Variants in MYH14 observed in about 807,000 individuals in gnomAD.
MYH14 encodes myosin heavy chain 14.
In MYH14, 123 loss-of-function variants were observed where a neutral mutation model predicts 255.5. That is an observed-to-expected ratio of 0.48 (90% CI 0.42 to 0.56). The LOEUF (loss-of-function observed/expected upper bound fraction) is 0.56, where lower values mean the gene tolerates loss of function less well. Among genes scored for constraint, MYH14 ranks in the 20% least tolerant of loss-of-function variants. The pLI is 0.00. For missense variants in MYH14, 2,423 were observed against 2,802.3 expected (o/e 0.86, Z 3.06); for synonymous variants, 1,095 against 1,161.2 (o/e 0.94, Z 1.16).
At chr19:50,278,358 T>C in intron 30 of MYH14, 69 bp downstream of exon 30, 1 of 1,172,202 alleles carries the variant, frequency 8.5e-7, no homozygotes, top group Non-Finnish European at 1.2e-6. Context: ...CTCTCTGGGC[T>C]TCTATTTGGT....
chr19:50,278,526 C>T (rs2035594121), intron 30 of MYH14, among the ~76,000 whole-genome samples: 1 of 149,662 alleles, frequency 6.7e-6, no homozygotes, highest in African/African-American at 2.5e-5. Flanking sequence ...CATAGTGAGA[C>T]CCCATCTTCA....
intron 25 of MYH14, 32 bp from the exon 26 acceptor site, chr19:50,271,817 C>A: frequency 6.2e-7 from 1 of 1,611,726 alleles, no homozygotes; most frequent in South Asian, 1.1e-5. Flanking sequence ...CCAACTCCTC[C>A]TGACTGCCCC....
chr19:50,225,696 C>A lies in MYH14; in HGVS notation c.810+19C>A. 6.3e-7 allele frequency: 1 copy of A among 1,596,106 alleles called. No individual in the cohort carries two copies. The highest frequency in any genetic ancestry group is 8.6e-7 in the Non-Finnish European group (1 of 1,164,800). ...CCGATTCGTGAGTGCCAGGGGTGGG[C>A]AGTGCTGGCTGTGTCAGGGATACAG... On this transcript the variant is annotated intron_variant, in intron 7 of 42. Coordinates refer to ENST00000642316, the MANE Select transcript of MYH14 (RefSeq NM_001145809.2).
chr19:50,262,844 A>G (rs1375892827), intron 21 of MYH14, among the ~76,000 whole-genome samples: 3 of 152,132 alleles, frequency 2.0e-5, no homozygotes, highest in Admixed American at 1.3e-4. Flanking sequence ...ACACAGTGAG[A>G]TCTCAAAGTA....
intron 33 of MYH14, among the ~76,000 whole-genome samples, chr19:50,282,767 A>G (rs1256232341): frequency 6.6e-6 from 1 of 152,124 alleles, no homozygotes. Context: ...GTGGTGCAGT[A>G]TGTTTTTCTA....
At position 50,281,800 on chromosome 19, in the gene MYH14, G is replaced by T. The variant is rs1366523124; in HGVS notation, c.4497G>T (p.Gln1499His). 6.2e-7 allele frequency: 1 copy of T among 1,612,626 alleles called. No homozygotes were observed. Among genetic ancestry groups the T allele is most frequent in the African/African-American group, 1.3e-5 (1 of 74,948 alleles). The change falls in exon 33 of 43, where the codon CAG becomes CAT. Residue 1499 changes from glutamine to histidine, a missense_variant. By Grantham distance (24) the Gln-to-His change is conservative. Coordinates refer to ENST00000642316, the MANE Select transcript of MYH14 (RefSeq NM_001145809.2). ...DATMDLEQQR[Q>H]LVSTLEKKQR... is the part of the protein sequence containing the mutation. ...CCATGGACCTGGAGCAGCAGCGGCA[G>T]CTTGTGAGCACCCTGGAGAAGAAGC...
intron 2 of MYH14, among the ~76,000 whole-genome samples, chr19:50,214,136 C>A (rs1383809053): frequency 6.6e-6 from 1 of 152,200 alleles, no homozygotes; most frequent in Non-Finnish European, 1.5e-5. Flanking sequence ...CTGGGGTTCA[C>A]ATTAAACCCT....
chr19:50,249,898 T>TCGCAG, intron 14 of MYH14, 75 bp downstream of exon 14: 1 of 1,562,442 alleles, frequency 6.4e-7, no homozygotes, highest in Non-Finnish European at 8.7e-7. Context: ...GACCAGGGTC[T>TCGCAG]AGCTCCTCCT....
At chr19:50,285,475 C>T (rs966670753) in intron 33 of MYH14, 1 of 152,140 alleles carries the variant, frequency 6.6e-6, no homozygotes, top group Non-Finnish European at 1.5e-5. Flanking sequence ...CTAAGTATTT[C>T]ATGGTTTTAT....
intron 13 of MYH14, 71 bp from the exon 14 acceptor site, chr19:50,249,579 G>A (rs2034282411): frequency 3.1e-6 from 5 of 1,590,504 alleles, no homozygotes; most frequent in African/African-American, 1.4e-5. Flanking sequence ...CTGTCTCTGG[G>A]TCTCTGTCCC....
At chr19:50,270,121 C>G (rs986960871) in intron 24 of MYH14, among the ~76,000 whole-genome samples, 1 of 152,168 alleles carries the variant, frequency 6.6e-6, no homozygotes, top group Non-Finnish European at 1.5e-5. Flanking sequence ...ACCCACGAGG[C>G]CTGAGGTGGG....
intron 40 of MYH14, among the ~76,000 whole-genome samples, chr19:50,303,499 C>T (rs2036560697): frequency 6.6e-6 from 1 of 152,154 alleles, no homozygotes; most frequent in African/African-American, 2.4e-5. Flanking sequence ...TTAACCAAAG[C>T]AAGTCACTCA....
In MYH14 at chr19:50,266,791, T is replaced by G; in HGVS notation, c.2695-86T>G. On this transcript the variant is annotated intron_variant, in intron 22 of 42. Coordinates refer to ENST00000642316, the MANE Select transcript of MYH14 (RefSeq NM_001145809.2). The surrounding 1 kb of genome is among the most constrained non-coding windows in gnomAD (Gnocchi z 4.1). ...CAGCTAATAGGTGGAGGAGAAGGGA[T>G]TTGAACCCAGAAACTCAAACCCCAC... 12 of 1,527,048 alleles carry G rather than the reference T, an allele frequency of 7.9e-6. No individual in the cohort carries two copies. Among genetic ancestry groups the G allele is most frequent in the Non-Finnish European group, 9.8e-6 (11 of 1,127,430 alleles). 94.6% of individuals were successfully genotyped at this position (1,527,048 alleles called of 1,614,324 possible).
At chr19:50,269,424 C>T (rs1478041311) in intron 24 of MYH14, among the ~76,000 whole-genome samples, 16 of 152,188 alleles carry the variant, frequency 1.1e-4, no homozygotes, top group African/African-American at 3.6e-4. Context: ...TCAGGTGATC[C>T]GCCCACCTCA....
At chr19:50,249,423 G>C (rs1381283179) in intron 13 of MYH14, 1 of 608,080 alleles carries the variant, frequency 1.6e-6, no homozygotes, top group East Asian at 2.9e-5. Flanking sequence ...TCTGTCCCCT[G>C]TCTCTGGGTC....
At chr19:50,248,913 C>T (rs2034240846) in intron 12 of MYH14, 74 bp from the exon 13 acceptor site, 3 of 1,550,656 alleles carry the variant, frequency 1.9e-6, no homozygotes, top group Non-Finnish European at 1.8e-6. Context: ...GGGGGCCCTT[C>T]CCCGGTTCAC....
intron 11 of MYH14, among the ~76,000 whole-genome samples, chr19:50,245,311 C>A (rs2034058749): frequency 6.6e-6 from 1 of 150,872 alleles, no homozygotes; most frequent in African/African-American, 2.4e-5. Context: ...CCCAGCTGCT[C>A]AGGAGGCTGA....
rs375687883 is a variant in MYH14, at chr19:50,280,091, C to T, written c.4087C>T (p.Arg1363Cys). 31 of 1,610,584 alleles carry T rather than the reference C, an allele frequency of 1.9e-5. No homozygotes were observed. The highest frequency in any genetic ancestry group is 9.3e-5 in the African/African-American group (7 of 74,892). ...ALNEAESKTI[R>C]LSKELSSTEA... ...GAACGAGGCTGAGTCCAAAACCATC[C>T]GTCTTAGCAAGGAGCTGAGCAGCAC... The change falls in exon 31 of 43, where the codon CGT (arginine) becomes TGT (cysteine). Residue 1363 changes from arginine to cysteine, a missense_variant. Around this residue, in one of 3 missense-constraint regions of MYH14, gnomAD observed 1,513 missense variants for 1,674.8 expected, o/e 0.90. Transcript: ENST00000642316. The surrounding 1 kb of genome is among the most constrained non-coding windows in gnomAD (Gnocchi z 4.8).
At position 50,261,502 on chromosome 19, in the gene MYH14, C is replaced by T; in HGVS notation, c.2452C>T (p.Leu818Phe). ...MIQALELDPN[L>F]YRVGQSKIFF... ...CCAGGCGCTGGAACTGGACCCCAAC[C>T]TCTACCGCGTGGGACAGAGCAAGAT... The change falls in exon 21 of 43, where the codon CTC becomes TTC. Residue 818 changes from leucine (L) to phenylalanine (F), a missense_variant. By Grantham distance (22) the Leu-to-Phe change is conservative. Around this residue, in one of 3 missense-constraint regions of MYH14, gnomAD observed 1,513 missense variants for 1,674.8 expected, o/e 0.90. Transcript: ENST00000642316. 6.5e-7 allele frequency: 1 copy of T among 1,544,366 alleles called. No homozygotes were observed. Among genetic ancestry groups the T allele is most frequent in the Non-Finnish European group, 8.7e-7 (1 of 1,153,162 alleles).
Sources: allele counts gnomAD v4.1 joint callset (sites outside exome capture counted in the v4.1 genomes callset), GRCh38; gene constraint gnomAD v4.1.1; regional missense constraint gnomAD v4.1.1; non-coding constraint Gnocchi (gnomAD v3.1); transcripts MANE v1.5; gene names NCBI Gene and HGNC (gene_info 2026-07-23, HGNC 2026-07-21).